NEB: variants seen among roughly 807,000 people sequenced by gnomAD.
NEB encodes the protein nebulin, also known as nemaline myopathy type 2.
NEB carries 512 observed loss-of-function variants against 952.2 expected under a neutral mutation model. That is an observed-to-expected ratio of 0.54 (90% CI 0.50 to 0.58). The LOEUF is 0.58. Ranked by LOEUF, NEB falls within the 20% of genes least tolerant of loss-of-function variation. The probability of loss-of-function intolerance (pLI) is 0.00; values close to 1 mark genes in which losing one functional copy is unlikely to be tolerated. For synonymous variants in NEB, 2,900 were observed against 3,149.8 expected, an observed-to-expected ratio of 0.92 and a Z score of 2.66; for missense variants, 8,428 against 9,231.1, an observed-to-expected ratio of 0.91 and a Z score of 3.56.
intron 64 of NEB, among the ~76,000 whole-genome samples, chr2:151,635,480 GTGGA>G (rs1430162388): frequency 6.6e-6 from 1 of 152,160 alleles, no homozygotes; most frequent in African/African-American, 2.4e-5. Flanking sequence ...CCTGAGGCAA[GTGGA>G]TCACCTGAGG....
chr2:151,671,971 C>A (rs1364272513), intron 37 of NEB, among the ~76,000 whole-genome samples: 1 of 134,980 alleles, frequency 7.4e-6, no homozygotes, highest in African/African-American at 2.5e-5. Flanking sequence ...ACATTGTGAC[C>A]TTGAGTTAAT....
chr2:151,502,857 C>A lies in NEB; in HGVS notation c.23864G>T (p.Gly7955Val). 1 of 1,602,958 alleles carries A rather than the reference C, an allele frequency of 6.2e-7. No homozygotes were observed. The highest frequency in any genetic ancestry group is 8.5e-7 in the Non-Finnish European group (1 of 1,175,178). Reference sequence around the variant, plus strand: ...CTCTGGAGTGATAGGTGTTGGGATTCCTTTCCCCAAATTTTCTTTGTACAA... The same window carrying A: ...CTCTGGAGTGATAGGTGTTGGGATTACTTTCCCCAAATTTTCTTTGTACAA... ...SVLYKENLGK[G>V]IPTPITPEME... The change falls in exon 167 of 182, where the codon GGA becomes GTA. Residue 7955 changes from glycine (G) to valine (V), a missense_variant. Coordinates refer to ENST00000397345, the MANE Select transcript of NEB (RefSeq NM_001164508.2).
Position 151,570,080 on chromosome 2 carries a change from C to CA in NEB, c.17430dup (p.Asn5811Ter). 1 of 1,602,940 alleles carries CA rather than the reference C, an allele frequency of 6.2e-7. No homozygotes were observed. The highest frequency in any genetic ancestry group is 8.5e-7 in the Non-Finnish European group (1 of 1,174,566). Reference sequence around the variant, plus strand: ...TTCAACCCCAAATGCAGCCCACTCACATCGCTCTGCAGTTCGTAGGCCTTC... The same window carrying CA: ...TTCAACCCCAAATGCAGCCCACTCACAATCGCTCTGCAGTTCGTAGGCCTTC... On this transcript the variant is annotated frameshift_variant and splice_region_variant. Coordinates refer to ENST00000397345, the MANE Select transcript of NEB (RefSeq NM_001164508.2). LOFTEE classifies it high-confidence loss of function.
intron 24 of NEB, chr2:151,690,471 T>G (rs2099539705): frequency 2.7e-6 from 1 of 371,888 alleles, no homozygotes; most frequent in Non-Finnish European, 5.0e-6. Flanking sequence ...TGACAGATCC[T>G]AATGAATAAG....
At chr2:151,716,296 G>A (rs752823702) in intron 10 of NEB, 10 of 281,702 alleles carry the variant, frequency 3.5e-5, no homozygotes, top group African/African-American at 1.1e-4. Context: ...CCGCCACCAC[G>A]CCTGGCTAAT....
chr2:151,629,932 G>A (rs1160322254), intron 67 of NEB, among the ~76,000 whole-genome samples: 3 of 151,458 alleles, frequency 2.0e-5, no homozygotes, highest in African/African-American at 7.3e-5. Flanking sequence ...GTACATATCA[G>A]CATAGATCAA....
In NEB at chr2:151,619,659, A is replaced by C; in HGVS notation, c.10664T>G (p.Val3555Gly). ...TTTCTTGTACTCACGGTCACTCTGC[A>C]CTTTGGCAATGTGGAGGGACCACAT... ...KIMWSLHIAK[V>G]QSDREYKKDF... Residue 3555 changes from valine (V) to glycine (G), a missense_variant, in exon 73 of 182, where the codon GTG (valine) becomes GGG (glycine). Val to Gly is a moderately radical substitution (Grantham distance 109, BLOSUM62 -3). Transcript: ENST00000397345. 2 of 1,613,934 alleles carry C rather than the reference A, an allele frequency of 1.2e-6. No homozygotes were observed. Among genetic ancestry groups the C allele is most frequent in the Non-Finnish European group, 1.7e-6 (2 of 1,179,868 alleles).
intron 5 of NEB, among the ~76,000 whole-genome samples, chr2:151,725,822 A>G (rs569358371): frequency 1.3e-5 from 2 of 152,288 alleles, no homozygotes; most frequent in East Asian, 3.9e-4. Context: ...GATTCTTTCA[A>G]TCTTTTTTTT....
chr2:151,544,592 C>A (rs1424208171), intron 135 of NEB, among the ~76,000 whole-genome samples: 1 of 152,122 alleles, frequency 6.6e-6, no homozygotes, highest in Non-Finnish European at 1.5e-5. Flanking sequence ...AGTCTGAGTG[C>A]GAGTGCGGGC....
intron 134 of NEB, 135 bp downstream of exon 134, chr2:151,546,210 T>C (rs2094659082): frequency 2.7e-6 from 2 of 733,452 alleles, no homozygotes; most frequent in Non-Finnish European, 4.5e-6. Flanking sequence ...GATAATCTGC[T>C]CAAGTGAGTT....
In NEB at chr2:151,642,693, A is replaced by G. The variant is rs752988895; in HGVS notation, c.8266-12T>C. ...AGCTTATACAATTTCTAAAATAGAC[A>G]TTAATAGTAAGTTGGATTTATAAAG... On this transcript the variant is annotated splice_polypyrimidine_tract_variant and intron_variant, in intron 59 of 181. Coordinates refer to ENST00000397345, the MANE Select transcript of NEB (RefSeq NM_001164508.2). 29 of 1,612,222 alleles carry G rather than the reference A, an allele frequency of 1.8e-5. No individual in the cohort carries two copies. The highest frequency in any genetic ancestry group is 1.8e-5 in the Non-Finnish European group (21 of 1,178,768).
chr2:151,733,310 C>A, intron 2 of NEB, 125 bp from the exon 3 acceptor site: 3 of 674,734 alleles, frequency 4.4e-6, no homozygotes, highest in Non-Finnish European at 4.9e-6. Context: ...TTGTTGCAGG[C>A]TAAAGGAGAG....
chr2:151,552,771 C>T lies in NEB; in HGVS notation c.19737G>A (p.Lys6579=), dbSNP rs770882814. The change falls in exon 128 of 182, where the codon AAG becomes AAA. Residue 6579 remains lysine (K), a synonymous_variant. Transcript: ENST00000397345. Reference sequence around the variant, plus strand: ...TTGTTTTCAACATGTGAGCTTTATACTTGATCTGCCGAGAGGAAGAAAACA... The same window carrying T: ...TTGTTTTCAACATGTGAGCTTTATATTTGATCTGCCGAGAGGAAGAAAACA... ...KHAYDLRDDI[K]YKAHMLKTRN... is the part of the protein sequence containing the mutation. The T allele has an allele frequency of 8.7e-6, 14 of 1,610,216 alleles. No homozygotes were observed. The African/African-American group carries it at 1.5e-4, about 17-fold the overall frequency.
Position 151,636,290 on chromosome 2 carries a change from A to G in NEB, c.9039T>C (p.Tyr3013=). 6.2e-7 allele frequency: 1 copy of G among 1,609,678 alleles called. No homozygotes were observed. Among genetic ancestry groups the G allele is most frequent in the Non-Finnish European group, 8.5e-7 (1 of 1,179,742 alleles). The part of the protein sequence containing the change: ...LANEEAKKKG[Y]DLRSDAIPIV... ...TGGGGATGGCGTCGCTTCGCAAGTCATAGCCTTTCTTCTTTGCTTCTTCAT... is the reference window on the plus strand; with the variant it reads ...TGGGGATGGCGTCGCTTCGCAAGTCGTAGCCTTTCTTCTTTGCTTCTTCAT... The change falls in exon 64 of 182, where the codon TAT becomes TAC. Residue 3013 remains tyrosine (Y), a synonymous_variant. Coordinates refer to ENST00000397345, the MANE Select transcript of NEB (RefSeq NM_001164508.2).
In NEB at chr2:151,733,282, A is replaced by G. The variant is rs900175166; in HGVS notation, c.-29-97T>C. On this transcript the variant is annotated intron_variant, in intron 2 of 181. Coordinates refer to ENST00000397345, the MANE Select transcript of NEB (RefSeq NM_001164508.2). The stretch of plus-strand genomic sequence containing the variant: ...TAAAAATAGAATTTGAAGCTAAACT[A>G]TTGTACAAATTCATATATTGTTGCA... The G allele has an allele frequency of 8.0e-6, 7 of 871,048 alleles. No individual in the cohort carries two copies. In the African/African-American group the frequency reaches 8.5e-5, roughly 11 times the overall value. 54.0% of individuals were successfully genotyped at this position (871,048 alleles called of 1,614,324 possible).
chr2:151,627,266 T>C, intron 69 of NEB, 61 bp from the exon 70 acceptor site: 2 of 1,544,574 alleles, frequency 1.3e-6, no homozygotes, highest in Non-Finnish European at 1.8e-6. Context: ...ATTTCAAAAA[T>C]AAAAAAATAA....
rs773307085 is a variant in NEB at position 151,680,020 on chromosome 2, G to A, written c.3045C>T (p.Ile1015=). 1.1e-5 allele frequency: 18 copies of A among 1,594,360 alleles called. No individual in the cohort carries two copies. The highest frequency in any genetic ancestry group is 1.7e-4 in the Middle Eastern group (1 of 6,052). The change falls in exon 31 of 182, where the codon ATC becomes ATT. Residue 1015 remains isoleucine (I), a splice_region_variant and synonymous_variant. Transcript: ENST00000397345. Reference sequence around the variant, plus strand: ...TTTCCTCTCCTTTGGCTTTGTAAGCGATCTGAAAGAGAAAAAAATGCATAA... The same window carrying A: ...TTTCCTCTCCTTTGGCTTTGTAAGCAATCTGAAAGAGAAAAAAATGCATAA... The part of the protein sequence containing the change: ...SKINQAQRSD[I]AYKAKGEEII...
intron 148 of NEB, among the ~76,000 whole-genome samples, chr2:151,526,607 C>T (rs2086210888): frequency 1.3e-5 from 2 of 152,132 alleles, no homozygotes; most frequent in Admixed American, 1.3e-4. Context: ...AAAGTATGAT[C>T]CCATAGAAAA....
rs750581337 is a variant in NEB, at chr2:151,639,900, A to G, written c.8846T>C (p.Leu2949Pro). The change falls in exon 62 of 182, where the codon CTG becomes CCG. Residue 2949 changes from leucine (L) to proline (P), a missense_variant. This residue lies in a region of NEB where 1,772 missense variants were observed against 1,960.3 expected (regional missense o/e 0.90). Transcript: ENST00000397345. Reference sequence around the variant, plus strand: ...ATTATTTTTGGCCAACACTTGTTCCAGAGAGTCAGTCACACTGGTAAATTT... The same window carrying G: ...ATTATTTTTGGCCAACACTTGTTCCGGAGAGTCAGTCACACTGGTAAATTT... Reference protein sequence around the residue: ...RFKFTSVTDSLEQVLAKNNAI... With the variant: ...RFKFTSVTDSPEQVLAKNNAI... 6.2e-7 allele frequency: 1 copy of G among 1,613,962 alleles called. No individual in the cohort carries two copies. Among genetic ancestry groups the G allele is most frequent in the Non-Finnish European group, 8.5e-7 (1 of 1,179,858 alleles).
Sources: gnomAD v4.1 joint callset for allele counts (sites outside exome capture counted in the v4.1 genomes callset) on GRCh38, gnomAD v4.1.1 for gene constraint, gnomAD v4.1.1 regional missense constraint, MANE v1.5 for transcripts, NCBI Gene and HGNC (gene_info 2026-07-23, HGNC 2026-07-21) for gene names.